Variants in DOCK4 observed in about 807,000 individuals in gnomAD.
DOCK4 encodes dedicator of cytokinesis 4.
DOCK4 carries 97 observed loss-of-function variants against 268.1 expected under a neutral mutation model. The observed-to-expected ratio is 0.36, with a 90% CI of 0.31 to 0.43. The LOEUF (loss-of-function observed/expected upper bound fraction) is 0.43, where lower values mean the gene tolerates loss of function less well. Among genes scored for constraint, DOCK4 ranks in the 20% least tolerant of loss-of-function variants. The pLI, the probability that DOCK4 is intolerant of heterozygous loss-of-function variation, is 1.00. For missense variants in DOCK4, 2,145 were observed against 2,455.7 expected (o/e 0.87, Z 2.67); for synonymous variants, 954 against 887.2 (o/e 1.08, Z -1.34).
intron 22 of DOCK4, among the ~76,000 whole-genome samples, chr7:111,867,289 G>C (rs1806052421): frequency 6.6e-6 from 1 of 152,084 alleles, no homozygotes; most frequent in African/African-American, 2.4e-5. Context: ...CTAACCTCTA[G>C]GGCATGGTAA....
intron 12 of DOCK4, among the ~76,000 whole-genome samples, chr7:111,933,564 T>G (rs1234791387): frequency 3.3e-5 from 5 of 151,906 alleles, no homozygotes; most frequent in South Asian, 2.1e-4. Flanking sequence ...CAAAGTGCTG[T>G]GATTACAGAC....
At position 111,935,526 on chromosome 7, in the gene DOCK4, G is replaced by T; in HGVS notation, c.1066+14C>A. On this transcript the variant is annotated intron_variant, in intron 12 of 52. Coordinates refer to ENST00000428084, the MANE Select transcript of DOCK4 (RefSeq NM_001363540.2). ...CGAAAAGTGTAGGGAAAGTCAGCCAGCCCATACACTCACCTGCATTGGAGC... is the reference window on the plus strand; with the variant it reads ...CGAAAAGTGTAGGGAAAGTCAGCCATCCCATACACTCACCTGCATTGGAGC... 1 of 1,610,028 alleles carries T rather than the reference G, an allele frequency of 6.2e-7. No homozygotes were observed. Among genetic ancestry groups the T allele is most frequent in the Non-Finnish European group, 8.5e-7 (1 of 1,177,056 alleles).
intron 12 of DOCK4, among the ~76,000 whole-genome samples, chr7:111,917,987 GCAAA>G (rs1792761423): frequency 6.6e-6 from 1 of 152,106 alleles, no homozygotes; most frequent in Admixed American, 6.5e-5. Context: ...CAATAATAGA[GCAAA>G]CAAACAATAA....
intron 1 of DOCK4, among the ~76,000 whole-genome samples, chr7:112,189,876 C>T (rs1819793962): frequency 6.6e-6 from 1 of 151,774 alleles, no homozygotes; most frequent in African/African-American, 2.4e-5. Flanking sequence ...GTCACCACAC[C>T]CGGCTTTCTG....
intron 20 of DOCK4, among the ~76,000 whole-genome samples, chr7:111,870,065 C>T (rs749913227): frequency 1.6e-4 from 25 of 152,058 alleles, no homozygotes; most frequent in Non-Finnish European, 3.2e-4. Flanking sequence ...GCAGGCAAAA[C>T]GGGGTGGGAA....
intron 23 of DOCK4, among the ~76,000 whole-genome samples, chr7:111,853,133 A>C (rs1804716926): frequency 6.6e-6 from 1 of 152,194 alleles, no homozygotes; most frequent in Non-Finnish European, 1.5e-5. Context: ...GGAAGGAACA[A>C]GGGAAGCTGG....
chr7:111,842,460 CTT>C (rs1803774990), intron 25 of DOCK4, among the ~76,000 whole-genome samples: 2 of 152,214 alleles, frequency 1.3e-5, no homozygotes, highest in African/African-American at 4.8e-5. Context: ...CCACAGAAAA[CTT>C]TGTCCTCAGT....
intron 3 of DOCK4, among the ~76,000 whole-genome samples, 186 bp downstream of exon 3, chr7:112,000,308 T>A (rs1006981265): frequency 6.6e-6 from 1 of 152,180 alleles, no homozygotes; most frequent in African/African-American, 2.4e-5. Context: ...AATAGGATTA[T>A]CATTTGAGTA....
At position 111,735,296 on chromosome 7, in the gene DOCK4, T is replaced by C. The variant is rs551464618; in HGVS notation, c.5306-129A>G. Reference sequence around the variant, plus strand: ...TGGATGAAAAACAAAACAGGAAACTTCTTGAATACTAAACCTTTATTTAAT... The same window carrying C: ...TGGATGAAAAACAAAACAGGAAACTCCTTGAATACTAAACCTTTATTTAAT... On this transcript the variant is annotated intron_variant, in intron 50 of 52. Coordinates refer to ENST00000428084, the MANE Select transcript of DOCK4 (RefSeq NM_001363540.2). The C allele has an allele frequency of 5.9e-4, 364 of 614,164 alleles. 7 individuals carry two copies. In the South Asian group the frequency reaches 7.9e-3, roughly 13 times the overall value. 38.0% of individuals were successfully genotyped at this position (614,164 alleles called of 1,614,324 possible). A position where few individuals can be genotyped will look rare whatever the true frequency, so the allele number is the denominator to read the frequency against.
chr7:111,765,310 GGAGAA>G, intron 38 of DOCK4, 88 bp from the exon 39 acceptor site: 3 of 813,222 alleles, frequency 3.7e-6, no homozygotes, highest in Non-Finnish European at 3.8e-6. Context: ...TTTACATAAA[GGAGAA>G]CTTTATTTTA....
chr7:111,767,402 T>C (rs959401819), intron 37 of DOCK4, among the ~76,000 whole-genome samples: 24 of 151,930 alleles, frequency 1.6e-4, no homozygotes, highest in African/African-American at 5.8e-4. Context: ...AATTCTTGTA[T>C]TTTTAGTAGA....
At chr7:112,029,862 T>A (rs1586677245) in intron 1 of DOCK4, among the ~76,000 whole-genome samples, 1 of 152,216 alleles carries the variant, frequency 6.6e-6, no homozygotes, top group East Asian at 1.9e-4. Context: ...TGAAACAGTA[T>A]CATGATTCAT....
At chr7:112,186,211 C>G (rs1819486155) in intron 1 of DOCK4, among the ~76,000 whole-genome samples, 1 of 152,218 alleles carries the variant, frequency 6.6e-6, no homozygotes, top group Non-Finnish European at 1.5e-5. Context: ...TTCAGGGAAC[C>G]TGTGCTTCAA....
chr7:112,133,199 G>A (rs1040059909), intron 1 of DOCK4, among the ~76,000 whole-genome samples: 2 of 152,178 alleles, frequency 1.3e-5, no homozygotes, highest in African/African-American at 4.8e-5. Flanking sequence ...CCATGTGGGT[G>A]CCTGCGGGAG....
At chr7:111,951,641 C>T (rs1248099670) in intron 8 of DOCK4, among the ~76,000 whole-genome samples, 58 of 140,954 alleles carry the variant, frequency 4.1e-4, no homozygotes, top group Admixed American at 1.4e-4. Context: ...GAAACCCCAT[C>T]GCTACCAAAA....
At position 112,003,321 on chromosome 7, in the gene DOCK4, G is replaced by A. The variant is rs550427034; in HGVS notation, c.121+727C>T. Among the ~76,000 whole-genome samples the A allele has an allele frequency of 2.6e-5, 4 of 152,204 alleles. No homozygotes were observed. The South Asian group carries it at 6.2e-4, about 24-fold the overall frequency. ...GAGGATCCCTTGAGCCCAGGAGATC[G>A]AGGCTGCAGTGAGCCATGATCATGC... On this transcript the variant is annotated intron_variant, in intron 2 of 52. Transcript: ENST00000428084.
chr7:111,755,599 A>T lies in DOCK4; in HGVS notation c.4332T>A (p.Ser1444Arg). Residue 1444 changes from serine to arginine, a missense_variant and splice_region_variant, in exon 42 of 53, where the codon AGT (serine) becomes AGA (arginine). This residue lies in a region of DOCK4 where 1,598 missense variants were observed against 1,986.7 expected (regional missense o/e 0.80). Coordinates refer to ENST00000428084, the MANE Select transcript of DOCK4 (RefSeq NM_001363540.2). ...GTKDKENEFK[S>R]LWVERTSLYL... is the part of the protein sequence containing the mutation. ...ATAATGACGTTCTCTCCACCCAGAG[A>T]CTCTACAAAACACAAAACACATTAA... The T allele has an allele frequency of 6.2e-7, 1 of 1,613,690 alleles. No individual in the cohort carries two copies. Among genetic ancestry groups the T allele is most frequent in the Non-Finnish European group, 8.5e-7 (1 of 1,179,816 alleles).
At chr7:112,202,890 C>T (rs1164901351) in intron 1 of DOCK4, among the ~76,000 whole-genome samples, 1 of 152,056 alleles carries the variant, frequency 6.6e-6, no homozygotes, top group Non-Finnish European at 1.5e-5. Flanking sequence ...GAGAATCAAA[C>T]AAATTGAGAA....
chr7:111,778,500 A>C, intron 35 of DOCK4, 131 bp from the exon 36 acceptor site: 1 of 496,654 alleles, frequency 2.0e-6, no homozygotes, highest in Non-Finnish European at 3.5e-6. Context: ...AATATCTCTA[A>C]AAATGAAATA....
Sources: allele counts gnomAD v4.1 joint callset (sites outside exome capture counted in the v4.1 genomes callset), GRCh38; gene constraint gnomAD v4.1.1; regional missense constraint gnomAD v4.1.1; transcripts MANE v1.5; gene names NCBI Gene and HGNC (gene_info 2026-07-23, HGNC 2026-07-21).